SLIT3: variants seen among roughly 807,000 people sequenced by gnomAD.
SLIT3 encodes slit homolog 3 protein.
A neutral mutation model predicts 184.0 loss-of-function variants in SLIT3; 68 were observed. The ratio of observed to expected loss-of-function variants is 0.37; its 90% CI spans 0.30 to 0.45. SLIT3 has a LOEUF of 0.45. Ranked by LOEUF, SLIT3 falls within the 20% of genes least tolerant of loss-of-function variation. SLIT3 has a pLI of 1.00. For synonymous variants in SLIT3, 831 were observed against 828.6 expected (o/e 1.00, Z -0.05); for missense variants, 1,707 against 2,026.0 (o/e 0.84, Z 3.02).
chr5:168,945,422 G>C (rs1336368453), intron 4 of SLIT3, among the ~76,000 whole-genome samples: 1 of 152,040 alleles, frequency 6.6e-6, no homozygotes, highest in Non-Finnish European at 1.5e-5. Flanking sequence ...ATTTTTAGTA[G>C]AGACAGGGTT....
intron 9 of SLIT3, among the ~76,000 whole-genome samples, chr5:168,805,526 A>G (rs930305986): frequency 8.5e-5 from 13 of 152,232 alleles, no homozygotes; most frequent in African/African-American, 3.1e-4. Flanking sequence ...TATTTAAAGA[A>G]TAATCTTGAG....
At chr5:168,856,823 C>T (rs1758897718) in intron 5 of SLIT3, among the ~76,000 whole-genome samples, 1 of 135,688 alleles carries the variant, frequency 7.4e-6, no homozygotes, top group Admixed American at 7.2e-5. Flanking sequence ...GCGCGCACGC[C>T]TTTGTTCAGA....
chr5:168,899,082 T>G (rs759413337), intron 4 of SLIT3, among the ~76,000 whole-genome samples: 1 of 80,946 alleles, frequency 1.2e-5, no homozygotes, highest in South Asian at 4.1e-4. Flanking sequence ...AATTCTGGCT[T>G]CTCTTTTCTT....
intron 4 of SLIT3, among the ~76,000 whole-genome samples, chr5:168,953,498 C>A (rs188422072): frequency 6.6e-6 from 1 of 152,214 alleles, no homozygotes; most frequent in Non-Finnish European, 1.5e-5. Flanking sequence ...TGTCTTTATA[C>A]AACAGATCAC....
chr5:169,266,371 G>T (rs1009931124), intron 1 of SLIT3, among the ~76,000 whole-genome samples: 2 of 152,186 alleles, frequency 1.3e-5, no homozygotes, highest in Admixed American at 6.5e-5. Context: ...AATTTCCTGT[G>T]CCCTTTGAAT....
chr5:168,844,326 T>C (rs1180075667), intron 6 of SLIT3, among the ~76,000 whole-genome samples: 1 of 152,112 alleles, frequency 6.6e-6, no homozygotes, highest in Non-Finnish European at 1.5e-5. Context: ...GGAGAAAGAC[T>C]CAATTGAGAC....
chr5:169,002,278 A>ACTCCACT (rs1430033475), intron 4 of SLIT3, among the ~76,000 whole-genome samples: 2 of 131,848 alleles, frequency 1.5e-5, no homozygotes, highest in African/African-American at 2.9e-5. Flanking sequence ...GCCAGGATGC[A>ACTCCACT]CTCCACTGCA....
chr5:168,748,733 G>A (rs1754593772), intron 19 of SLIT3, among the ~76,000 whole-genome samples: 3 of 152,132 alleles, frequency 2.0e-5, no homozygotes, highest in African/African-American at 4.8e-5. Flanking sequence ...TCAGGGGGAG[G>A]GGGGCAGAGC....
rs1290845408 is a variant in SLIT3 at position 169,273,860 on chromosome 5, GTAAAGCC to G, written c.198-22408_198-22402del. Among the ~76,000 whole-genome samples the G allele has an allele frequency of 5.3e-5, 8 of 152,050 alleles. 1 individual carries two copies. Among genetic ancestry groups the G allele is most frequent in the Admixed American group, 5.2e-4 (8 of 15,262 alleles). On this transcript the variant is annotated intron_variant, in intron 1 of 35. Transcript: ENST00000519560. The stretch of plus-strand genomic sequence containing the variant: ...CCCCAAGGAGCTTAAAACCTAAATG[GTAAAGCC>G]TAAGAATCTTCACATTGATACAAAA...
At chr5:169,147,289 G>A (rs894610699) in intron 4 of SLIT3, among the ~76,000 whole-genome samples, 1 of 152,168 alleles carries the variant, frequency 6.6e-6, no homozygotes, top group African/African-American at 2.4e-5. Context: ...AATTTTTGGA[G>A]ATGGAGTCTC....
At chr5:169,059,954 A>G (rs1182503797) in intron 4 of SLIT3, among the ~76,000 whole-genome samples, 1 of 152,220 alleles carries the variant, frequency 6.6e-6, no homozygotes, top group Non-Finnish European at 1.5e-5. Context: ...CCCTTATAAA[A>G]AGAGACCCTA....
chr5:169,002,650 T>C (rs1755760637), intron 4 of SLIT3, among the ~76,000 whole-genome samples: 1 of 152,210 alleles, frequency 6.6e-6, no homozygotes, highest in South Asian at 2.1e-4. Flanking sequence ...AAACAGGGGC[T>C]CTAATGTAGA....
At chr5:169,242,344 A>C (rs1765431430) in intron 3 of SLIT3, among the ~76,000 whole-genome samples, 2 of 152,178 alleles carry the variant, frequency 1.3e-5, no homozygotes, top group African/African-American at 2.4e-5. Flanking sequence ...AGATTGGCCA[A>C]CTGTTCACTA....
chr5:168,883,079 A>G (rs1377074367), intron 5 of SLIT3, among the ~76,000 whole-genome samples, 186 bp downstream of exon 5: 1 of 152,178 alleles, frequency 6.6e-6, no homozygotes, highest in Non-Finnish European at 1.5e-5. Context: ...CTAACCAGCA[A>G]AGCACAGGTT....
chr5:168,985,165 C>A (rs146995452), intron 4 of SLIT3, among the ~76,000 whole-genome samples: 10 of 152,298 alleles, frequency 6.6e-5, no homozygotes, highest in African/African-American at 2.2e-4. Flanking sequence ...TTGCACCTTG[C>A]AGGAAGAGTT....
chr5:168,828,301 T>C (rs1002052834), intron 6 of SLIT3, among the ~76,000 whole-genome samples: 2 of 151,674 alleles, frequency 1.3e-5, no homozygotes, highest in African/African-American at 4.8e-5. Flanking sequence ...CCACCTTGGG[T>C]TGTGCATGGA....
intron 20 of SLIT3, among the ~76,000 whole-genome samples, chr5:168,726,552 G>A (rs1763136023): frequency 6.9e-6 from 1 of 145,306 alleles, no homozygotes; most frequent in Non-Finnish European, 1.5e-5. Context: ...AGGGAGGGAG[G>A]CAGGGAGAGA....
At chr5:169,034,203 A>G (rs944765674) in intron 4 of SLIT3, among the ~76,000 whole-genome samples, 2 of 151,906 alleles carry the variant, frequency 1.3e-5, no homozygotes, top group African/African-American at 4.8e-5. Context: ...AAGCTGTTTC[A>G]TTTTGTTGAT....
intron 4 of SLIT3, among the ~76,000 whole-genome samples, chr5:169,152,401 C>T (rs1313295960): frequency 1.3e-5 from 2 of 152,220 alleles, no homozygotes; most frequent in African/African-American, 4.8e-5. Flanking sequence ...GCATGCATCT[C>T]AGCAGGCTGA....
Sources: allele counts gnomAD v4.1 joint callset (sites outside exome capture counted in the v4.1 genomes callset), GRCh38; gene constraint gnomAD v4.1.1; transcripts MANE v1.5; gene names NCBI Gene and HGNC (gene_info 2026-07-23, HGNC 2026-07-21).